The following COX4I1 variants were observed in gnomAD, a reference collection of about 807,000 sequenced individuals.
The protein encoded by COX4I1 is cytochrome c oxidase subunit 4I1.
In COX4I1, 18 loss-of-function variants were observed where a neutral mutation model predicts 21.7. That is an observed-to-expected ratio of 0.83 (90% CI 0.57 to 1.23). The LOEUF is 1.23. Ranked by LOEUF, COX4I1 falls within the 50% of genes most tolerant of loss-of-function variation. COX4I1 has a pLI of 0.00. For missense variants in COX4I1, 238 were observed against 220.7 expected (o/e 1.08, Z -0.50); for synonymous variants, 100 against 81.5 (o/e 1.23, Z -1.23).
Position 85,801,980 on chromosome 16 carries a change from C to T in COX4I1, c.73+702C>T, listed in dbSNP as rs185614230. ...GGCTCCTGGGTAGAAGCATTTAGCC[C>T]GATGTGGGTTTCAGGGAAGGCTTCT... On this transcript the variant is annotated intron_variant, in intron 2 of 4. Coordinates refer to ENST00000253452, the MANE Select transcript of COX4I1 (RefSeq NM_001861.6). Among the ~76,000 whole-genome samples, 21 of 152,140 alleles carry T rather than the reference C, an allele frequency of 1.4e-4. No individual in the cohort carries two copies. The East Asian group carries it at 1.7e-3, about 13-fold the overall frequency.
At chr16:85,806,065 A>C (rs1301899902) in intron 4 of COX4I1, 4 of 683,746 alleles carry the variant, frequency 5.9e-6, no homozygotes, top group Non-Finnish European at 9.7e-6. Context: ...CCAGCATCTG[A>C]TTATTCATAG....
chr16:85,801,416 A>G lies in COX4I1; in HGVS notation c.73+138A>G, dbSNP rs920535513. ...CTTTAGGGGAGATATAAATGTTCTC[A>G]CAGGGCTTGGTTCTAGATTAAGAAG... is the stretch of plus-strand genomic sequence containing the variant. On this transcript the variant is annotated intron_variant, in intron 2 of 4. Coordinates refer to ENST00000253452, the MANE Select transcript of COX4I1 (RefSeq NM_001861.6). 5 of 617,722 alleles carry G rather than the reference A, an allele frequency of 8.1e-6. No homozygotes were observed. In the Admixed American group the frequency reaches 1.3e-4, roughly 16 times the overall value. 38.3% of individuals were successfully genotyped at this position (617,722 alleles called of 1,614,324 possible).
rs771065408 is a variant in COX4I1, at chr16:85,804,992, C to T, written c.129C>T (p.Asp43=). 2 of 1,614,140 alleles carry T rather than the reference C, an allele frequency of 1.2e-6. No individual in the cohort carries two copies. Among genetic ancestry groups the T allele is most frequent in the African/African-American group, 1.3e-5 (1 of 75,054 alleles). ...TCCCAGCTTATATGGATCGGCGTGA[C>T]CACCCCTTGCCGGAGGTGGCCCATG... ...FSLPAYMDRR[D]HPLPEVAHVK... is the part of the protein sequence containing the mutation. Residue 43 remains aspartate (D), a synonymous_variant, in exon 3 of 5, where the codon GAC becomes GAT. Coordinates refer to ENST00000253452, the MANE Select transcript of COX4I1 (RefSeq NM_001861.6).
intron 3 of COX4I1, 39 bp from the exon 4 acceptor site, chr16:85,805,694 A>T (rs1204963382): frequency 1.2e-6 from 2 of 1,608,390 alleles, no homozygotes; most frequent in East Asian, 2.2e-5. Flanking sequence ...GGAGCTGCTG[A>T]CCTTTGTGCC....
At chr16:85,801,179 A>G (rs558251587) in intron 1 of COX4I1, 26 bp from the exon 2 acceptor site, 4 of 1,581,282 alleles carry the variant, frequency 2.5e-6, no homozygotes, top group Non-Finnish European at 3.5e-6. Flanking sequence ...TTATTCATAG[A>G]GAAGGTGTAC....
intron 2 of COX4I1, chr16:85,803,569 G>T (rs1297197419): frequency 6.6e-6 from 1 of 152,186 alleles, no homozygotes; most frequent in Non-Finnish European, 1.5e-5. Flanking sequence ...GTACAACCAA[G>T]CTATTCCTTA....
At chr16:85,802,806 C>T (rs1037678388) in intron 2 of COX4I1, among the ~76,000 whole-genome samples, 8 of 152,176 alleles carry the variant, frequency 5.3e-5, no homozygotes, top group African/African-American at 1.9e-4. Flanking sequence ...GGGGACCAGG[C>T]CTGAAGCTCT....
At chr16:85,805,408 CAT>C in intron 3 of COX4I1, 1 of 517,666 alleles carries the variant, frequency 1.9e-6, no homozygotes, top group Non-Finnish European at 3.4e-6. Flanking sequence ...CAGCAAAATG[CAT>C]AGTGTTTGGT....
At chr16:85,804,783 C>T in intron 2 of COX4I1, 154 bp from the exon 3 acceptor site, 1 of 645,060 alleles carries the variant, frequency 1.6e-6, no homozygotes, top group Non-Finnish European at 2.6e-6. Context: ...CTCCACCACA[C>T]TCCTGCAACT....
rs1287237806 is a variant in COX4I1, at chr16:85,804,768, T to A, written c.74-169T>A. On this transcript the variant is annotated intron_variant, in intron 2 of 4. Transcript: ENST00000253452. ...TGGCTGTGATGAGAAGTGCTTCTGT[T>A]CCCCCTCCACCACACTCCTGCAACT... 3 of 591,772 alleles carry A rather than the reference T, an allele frequency of 5.1e-6. No homozygotes were observed. The African/African-American group carries it at 5.6e-5, about 11-fold the overall frequency. 36.7% of individuals were successfully genotyped at this position (591,772 alleles called of 1,614,324 possible).
rs992958111 is a variant in COX4I1 at position 85,807,064 on chromosome 16, C to A, written c.*190C>A. ...AAGCTAATTAAAACAATAGGTTTCT[C>A]CCAAGGGTCTGGAGTAAATATATTT... is the stretch of plus-strand genomic sequence containing the variant. On this transcript the variant is annotated 3_prime_UTR_variant, in exon 5 of 5. Coordinates refer to ENST00000253452, the MANE Select transcript of COX4I1 (RefSeq NM_001861.6). 3.2e-6 allele frequency: 2 copies of A among 624,214 alleles called. No individual in the cohort carries two copies. The highest frequency in any genetic ancestry group is 6.8e-5 in the Admixed American group (2 of 29,524). 38.7% of individuals were successfully genotyped at this position (624,214 alleles called of 1,614,324 possible). A position where few individuals can be genotyped will look rare whatever the true frequency, so the allele number is the denominator to read the frequency against.
At chr16:85,806,629 T>A in intron 4 of COX4I1, 109 bp from the exon 5 acceptor site, 1 of 1,553,350 alleles carries the variant, frequency 6.4e-7, no homozygotes, top group Non-Finnish European at 8.9e-7. Flanking sequence ...GGCAGGTGGC[T>A]CTGCTGACCT....
intron 2 of COX4I1, chr16:85,802,923 T>A (rs983249584): frequency 6.6e-6 from 1 of 152,128 alleles, no homozygotes; most frequent in African/African-American, 2.4e-5. Context: ...AATAGCTTTT[T>A]CCCCCCAGTC....
At chr16:85,803,004 G>C (rs2599082) in intron 2 of COX4I1, 148,474 of 152,320 alleles carry the variant, frequency 0.97, 72,468 homozygotes, top group Middle Eastern at 1. Flanking sequence ...TAAAGTGTAT[G>C]CTCCAGTGGT....
chr16:85,801,607 C>T (rs187847097), intron 2 of COX4I1, among the ~76,000 whole-genome samples: 59 of 152,240 alleles, frequency 3.9e-4, no homozygotes, highest in South Asian at 1.2e-3. Context: ...CCCACCTTGC[C>T]CCCACAACTC....
At chr16:85,806,555 G>C in intron 4 of COX4I1, 183 bp from the exon 5 acceptor site, 1 of 844,554 alleles carries the variant, frequency 1.2e-6, no homozygotes, top group Non-Finnish European at 2.0e-6. Context: ...ACAAACAAAG[G>C]GCTAATTTTA....
At chr16:85,805,316 C>A in intron 3 of COX4I1, 1 of 563,838 alleles carries the variant, frequency 1.8e-6, no homozygotes, top group East Asian at 3.0e-5. Flanking sequence ...TGCTAGGCCC[C>A]CTTCTCTGTG....
chr16:85,802,784 C>A (rs1370820418), intron 2 of COX4I1, among the ~76,000 whole-genome samples: 8 of 152,170 alleles, frequency 5.3e-5, no homozygotes, highest in Non-Finnish European at 1.2e-4. Context: ...ATTGATTTTC[C>A]CTTAATTGCT....
At chr16:85,803,972 G>A (rs567908829) in intron 2 of COX4I1, 1 of 152,222 alleles carries the variant, frequency 6.6e-6, no homozygotes, top group Non-Finnish European at 1.5e-5. Context: ...TATGTTTATT[G>A]TTTGTTTTCC....
Sources: allele counts gnomAD v4.1 joint callset (sites outside exome capture counted in the v4.1 genomes callset), GRCh38; gene constraint gnomAD v4.1.1; transcripts MANE v1.5; gene names NCBI Gene and HGNC (gene_info 2026-07-23, HGNC 2026-07-21).